Variants in PRKAR1A observed in about 807,000 individuals in gnomAD.
PRKAR1A encodes cAMP-dependent protein kinase type I-alpha regulatory subunit.
In PRKAR1A, 3 loss-of-function variants were observed where a neutral mutation model predicts 52.0. The ratio of observed to expected loss-of-function variants is 0.06; its 90% CI spans 0.03 to 0.15. The LOEUF (loss-of-function observed/expected upper bound fraction) is 0.15, where lower values mean the gene tolerates loss of function less well. PRKAR1A is among the 10% of genes least tolerant of loss of function. PRKAR1A has a pLI of 1.00. For missense variants in PRKAR1A, 240 were observed against 477.4 expected (o/e 0.50, Z 4.63); for synonymous variants, 188 against 168.4 (o/e 1.12, Z -0.90).
the PRKAR1A span, among the ~76,000 whole-genome samples, chr17:68,465,037 T>G: frequency 6.6e-6 from 1 of 150,650 alleles, no homozygotes; most frequent in African/African-American, 2.4e-5. Context: ...ACCATTCTCC[T>G]GCCTCAGCTT....
the PRKAR1A span, among the ~76,000 whole-genome samples, chr17:68,486,506 C>T: frequency 0.042 from 2,025 of 47,708 alleles, 39 homozygotes; most frequent in East Asian, 0.11. Flanking sequence ...TCCTTCCTTC[C>T]TTCTTTCTTT....
rs1001156045 is a variant in PRKAR1A, at chr17:68,530,437, A to G, written c.1134A>G (p.Ser378=). The G allele has an allele frequency of 3.7e-6, 6 of 1,614,068 alleles. No individual in the cohort carries two copies. In the Admixed American group the frequency reaches 1.0e-4, roughly 27 times the overall value. The change falls in exon 11 of 11, where the codon TCA becomes TCG. Residue 378 remains serine, a synonymous_variant. Transcript: ENST00000589228. ...RNIQQYNSFV[S]LSV ...TCCAGCAGTACAACAGTTTTGTGTC[A>G]CTGTCTGTCTGAAATCTGCCTCCTG...
the PRKAR1A span, among the ~76,000 whole-genome samples, chr17:68,482,835 C>G: frequency 6.6e-6 from 1 of 152,196 alleles, no homozygotes; most frequent in Non-Finnish European, 1.5e-5. Context: ...AATATATCAA[C>G]CATTCCCACA....
the PRKAR1A span, among the ~76,000 whole-genome samples, chr17:68,480,391 T>C: frequency 6.6e-6 from 1 of 152,134 alleles, no homozygotes; most frequent in East Asian, 1.9e-4. Context: ...CCCAGGGATA[T>C]CATTATCCCG....
At chr17:68,426,172 T>C in the PRKAR1A span, 1 of 1,563,758 alleles carries the variant, frequency 6.4e-7, no homozygotes, top group African/African-American at 1.4e-5. Flanking sequence ...GTCCTCAGAA[T>C]AACCTGGAAA....
chr17:68,481,723 CCATT>C, the PRKAR1A span, among the ~76,000 whole-genome samples: 1 of 152,142 alleles, frequency 6.6e-6, no homozygotes, highest in African/African-American at 2.4e-5. Context: ...ATTCATACAG[CCATT>C]CATTCATTTT....
At chr17:68,512,299 A>C (rs1328837490), upstream of PRKAR1A, 1 of 153,298 alleles carries the variant, frequency 6.5e-6, no homozygotes, top group Non-Finnish European at 1.5e-5. Flanking sequence ...GGGTCCTTCC[A>C]AGAGCGACCA....
the PRKAR1A span, among the ~76,000 whole-genome samples, chr17:68,480,521 C>T: frequency 6.6e-6 from 1 of 152,114 alleles, no homozygotes; most frequent in Non-Finnish European, 1.5e-5. Flanking sequence ...CAGGGGAAAA[C>T]TATTTTACCC....
At chr17:68,515,703 T>A in intron 2 of PRKAR1A, 127 bp downstream of exon 2, 1 of 1,186,792 alleles carries the variant, frequency 8.4e-7, no homozygotes. Context: ...TAAAACAATT[T>A]CAAATAAGAA....
intron 11 of PRKAR1A, among the ~76,000 whole-genome samples, chr17:68,549,165 C>T (rs767042758): frequency 6.6e-6 from 1 of 152,166 alleles, no homozygotes; most frequent in Non-Finnish European, 1.5e-5. Flanking sequence ...GAGAGTGGAG[C>T]TCATCCATTG....
chr17:68,517,050 C>T (rs1156684661), intron 2 of PRKAR1A, among the ~76,000 whole-genome samples: 1 of 152,138 alleles, frequency 6.6e-6, no homozygotes, highest in African/African-American at 2.4e-5. Context: ...TTGTAGTTGC[C>T]ACAGTACTGT....
At chr17:68,515,617 G>A (rs2143154650) in intron 2 of PRKAR1A, 41 bp downstream of exon 2, 1 of 1,582,098 alleles carries the variant, frequency 6.3e-7, no homozygotes, top group Non-Finnish European at 8.7e-7. Flanking sequence ...GATTGTGACA[G>A]TTGTTACATT....
intron 11 of PRKAR1A, among the ~76,000 whole-genome samples, chr17:68,548,818 C>T (rs545950387): frequency 4.0e-5 from 6 of 148,614 alleles, no homozygotes; most frequent in East Asian, 2.0e-4. Flanking sequence ...CTGCAAGCTC[C>T]GCCTCCCGGG....
the PRKAR1A span, among the ~76,000 whole-genome samples, chr17:68,455,782 T>A: frequency 1.3e-5 from 2 of 152,214 alleles, no homozygotes; most frequent in African/African-American, 4.8e-5. Context: ...ATGGCTAGAG[T>A]ATAAATTAAC....
intron 11 of PRKAR1A, among the ~76,000 whole-genome samples, chr17:68,550,192 C>T (rs560378093): frequency 2.4e-4 from 37 of 152,132 alleles, no homozygotes; most frequent in South Asian, 8.3e-4. Flanking sequence ...CAAGTAAAAT[C>T]TACAGTGGGA....
chr17:68,450,981 A>G, the PRKAR1A span: 1 of 1,509,816 alleles, frequency 6.6e-7, no homozygotes, highest in South Asian at 1.3e-5. Flanking sequence ...GGCCCGGCGC[A>G]GGCCAGGTTC....
chr17:68,422,384 G>C, the PRKAR1A span: 1 of 144,108 alleles, frequency 6.9e-6, no homozygotes, highest in South Asian at 2.2e-4. Context: ...AGCCGAGATC[G>C]CACCACTGCA....
the PRKAR1A span, chr17:68,434,755 A>T: frequency 1.2e-6 from 1 of 843,100 alleles, no homozygotes; most frequent in South Asian, 1.7e-5. Flanking sequence ...CACGTTGAGC[A>T]TAGAGGCATG....
the PRKAR1A span, among the ~76,000 whole-genome samples, chr17:68,491,311 T>C: frequency 2.0e-5 from 3 of 152,140 alleles, no homozygotes; most frequent in Non-Finnish European, 2.9e-5. Flanking sequence ...AGGCTGGTCT[T>C]GAACTCCTGA....
Sources: allele counts gnomAD v4.1 joint callset (sites outside exome capture counted in the v4.1 genomes callset), GRCh38; gene constraint gnomAD v4.1.1; transcripts MANE v1.5; gene names NCBI Gene and HGNC (gene_info 2026-07-23, HGNC 2026-07-21).